Variants in TMEM170A observed in about 807,000 individuals in gnomAD.
The protein encoded by TMEM170A is transmembrane protein 170.
A neutral mutation model predicts 12.8 loss-of-function variants in TMEM170A; 18 were observed. The ratio of observed to expected loss-of-function variants is 1.41; its 90% confidence interval spans 0.97 to 2.09. TMEM170A has a LOEUF of 2.09. Among genes scored for constraint, TMEM170A ranks in the 30% most tolerant of loss-of-function variants. TMEM170A has a pLI of 0.00. For synonymous variants in TMEM170A, 107 were observed against 76.2 expected, an observed-to-expected ratio of 1.40 and a Z score of -2.11; for missense variants, 220 against 179.9, an observed-to-expected ratio of 1.22 and a Z score of -1.28.
At chr16:75,454,514 A>T (rs1181297444) in intron 1 of TMEM170A, among the ~76,000 whole-genome samples, 19 of 152,070 alleles carry the variant, frequency 1.2e-4, no homozygotes, top group Admixed American at 1.2e-3. Flanking sequence ...AGGCACCTGT[A>T]GTCCCAGCTA....
rs184429935 is a variant in TMEM170A, at chr16:75,446,858, A to G, written c.*700T>C. On this transcript the variant is annotated 3_prime_UTR_variant, in exon 3 of 3. Transcript: ENST00000561878. ...AAAATCTAAAAAGTCTAAATTAGCT[A>G]GCTTATTTTGATAAAACATACAAAA... 6.6e-6 allele frequency: 1 copy of G among 152,320 alleles called. No homozygotes were observed. The highest frequency in any genetic ancestry group is 1.9e-4 in the East Asian group (1 of 5,192). 9.4% of individuals were successfully genotyped at this position (152,320 alleles called of 1,614,324 possible). A position where few individuals can be genotyped will look rare whatever the true frequency, so the allele number is the denominator to read the frequency against.
At chr16:75,451,525 T>C in intron 2 of TMEM170A, 144 bp downstream of exon 2, 2 of 816,748 alleles carry the variant, frequency 2.4e-6, no homozygotes. Flanking sequence ...ACTCCGGCCT[T>C]GGTGACATAG....
intron 1 of TMEM170A, among the ~76,000 whole-genome samples, chr16:75,463,367 A>C (rs140809083): frequency 0.077 from 11,758 of 151,830 alleles, 897 homozygotes; most frequent in African/African-American, 0.2. Flanking sequence ...TCATTTCAGG[A>C]ATGACCACAA....
At chr16:75,454,109 C>T (rs1311414402) in intron 1 of TMEM170A, among the ~76,000 whole-genome samples, 3 of 152,192 alleles carry the variant, frequency 2.0e-5, no homozygotes, top group Admixed American at 1.3e-4. Flanking sequence ...GTTTCTTGAC[C>T]ACCGCCCTCC....
At chr16:75,451,873 C>A in intron 1 of TMEM170A, 34 bp from the exon 2 acceptor site, 1 of 1,568,302 alleles carries the variant, frequency 6.4e-7, no homozygotes, top group Non-Finnish European at 8.7e-7. Flanking sequence ...TTGTGAATCA[C>A]TGCCCTTCCC....
At position 75,447,117 on chromosome 16, in the gene TMEM170A, A is replaced by G. The variant is rs893538778; in HGVS notation, c.*441T>C. 6.6e-6 allele frequency: 1 copy of G among 152,420 alleles called. No individual in the cohort carries two copies. Among genetic ancestry groups the G allele is most frequent in the Admixed American group, 6.5e-5 (1 of 15,282 alleles). The allele number at this position is 152,420 out of a possible 1,614,324, so 9.4% of individuals were successfully genotyped here. A position where few individuals can be genotyped will look rare whatever the true frequency, so the allele number is the denominator to read the frequency against. On this transcript the variant is annotated 3_prime_UTR_variant, in exon 3 of 3. Coordinates refer to ENST00000561878, the MANE Select transcript of TMEM170A (RefSeq NM_145254.3). Reference sequence around the variant, plus strand: ...GTCACTAAGATGTAGCAAAGAAAAGAGTTTGCCAAATTTTAATCAAGATTA... The same window carrying G: ...GTCACTAAGATGTAGCAAAGAAAAGGGTTTGCCAAATTTTAATCAAGATTA...
At chr16:75,455,988 C>T (rs533139993) in intron 1 of TMEM170A, among the ~76,000 whole-genome samples, 1 of 151,944 alleles carries the variant, frequency 6.6e-6, no homozygotes, top group African/African-American at 2.4e-5. Context: ...GTGTTTTTTC[C>T]CCCAGATCAA....
intron 1 of TMEM170A, chr16:75,458,481 A>G (rs774274531): frequency 6.6e-6 from 1 of 152,270 alleles, no homozygotes; most frequent in Non-Finnish European, 1.5e-5. Context: ...GATAAGAGTC[A>G]GAGAGATTTG....
At chr16:75,451,448 C>A (rs2079679517) in intron 2 of TMEM170A, 3 of 603,948 alleles carry the variant, frequency 5.0e-6, no homozygotes, top group Non-Finnish European at 8.8e-6. Context: ...TCTTGGGAGG[C>A]TGATGGAGGA....
At chr16:75,450,526 A>G (rs2079663909) in intron 2 of TMEM170A, among the ~76,000 whole-genome samples, 1 of 152,220 alleles carries the variant, frequency 6.6e-6, no homozygotes, top group Non-Finnish European at 1.5e-5. Context: ...CATAAGCAAA[A>G]GCCATAACAA....
intron 1 of TMEM170A, among the ~76,000 whole-genome samples, chr16:75,454,754 A>G (rs2079756175): frequency 6.6e-6 from 1 of 152,218 alleles, no homozygotes; most frequent in Non-Finnish European, 1.5e-5. Context: ...ATAGGTTTTG[A>G]GCAGTAACGG....
At chr16:75,460,952 A>G (rs2079893448) in intron 1 of TMEM170A, among the ~76,000 whole-genome samples, 1 of 152,232 alleles carries the variant, frequency 6.6e-6, no homozygotes, top group Non-Finnish European at 1.5e-5. Flanking sequence ...GTCATTCTTG[A>G]TACAAGATAA....
intron 1 of TMEM170A, among the ~76,000 whole-genome samples, chr16:75,460,818 C>CT (rs2079890572): frequency 1.3e-5 from 2 of 152,176 alleles, no homozygotes; most frequent in South Asian, 4.1e-4. Context: ...GAATAAATGA[C>CT]TGGTCCAAGT....
chr16:75,445,401 C>T lies in TMEM170A; in HGVS notation c.*2157G>A, dbSNP rs902875234. The T allele has an allele frequency of 3.3e-5, 5 of 152,222 alleles. No homozygotes were observed. Among genetic ancestry groups the T allele is most frequent in the African/African-American group, 1.2e-4 (5 of 41,448 alleles). The allele number at this position is 152,222 out of a possible 1,614,324, so 9.4% of individuals were successfully genotyped here. The stretch of plus-strand genomic sequence containing the variant: ...CTCGGCTCACAGCAGCCTGAACCTC[C>T]CAGGCACAAGTGATCCTCCCACTTT... On this transcript the variant is annotated 3_prime_UTR_variant, in exon 3 of 3. Coordinates refer to ENST00000561878, the MANE Select transcript of TMEM170A (RefSeq NM_145254.3).
rs539635492 is a variant in TMEM170A at position 75,447,811 on chromosome 16, T to C, written c.305-123A>G. The stretch of plus-strand genomic sequence containing the variant: ...TCCAGATTTTATACTGAAATTTAAA[T>C]CTTACAGAAATGTTAGGTTTTCCCT... On this transcript the variant is annotated intron_variant, in intron 2 of 2. Transcript: ENST00000561878. The C allele has an allele frequency of 1.4e-5, 16 of 1,161,680 alleles. No homozygotes were observed. The East Asian group carries it at 1.6e-4, about 11-fold the overall frequency. 72.0% of individuals were successfully genotyped at this position (1,161,680 alleles called of 1,614,324 possible).
At chr16:75,464,353 G>C in intron 1 of TMEM170A, 115 bp downstream of exon 1, 1 of 1,051,134 alleles carries the variant, frequency 9.5e-7, no homozygotes, top group East Asian at 3.4e-5. Context: ...CCGGAGGACA[G>C]CGCCCACGCC....
chr16:75,464,346 G>A (rs1355974892), intron 1 of TMEM170A, 122 bp downstream of exon 1: 4 of 1,350,616 alleles, frequency 3.0e-6, no homozygotes, highest in Non-Finnish European at 3.8e-6. Context: ...CCCCCTCCCG[G>A]AGGACAGCGC....
At chr16:75,452,217 C>T (rs570584614) in intron 1 of TMEM170A, among the ~76,000 whole-genome samples, 20 of 151,962 alleles carry the variant, frequency 1.3e-4, no homozygotes, top group African/African-American at 4.6e-4. Context: ...ATGATCCGCC[C>T]GCCTCGGCCT....
chr16:75,458,098 G>A lies in TMEM170A; in HGVS notation c.134-6259C>T, dbSNP rs1007658952. On this transcript the variant is annotated intron_variant, in intron 1 of 2. Coordinates refer to ENST00000561878, the MANE Select transcript of TMEM170A (RefSeq NM_145254.3). ...ATTGTCATACAGTACTTTTCATTTC[G>A]CTGGCTCAAAACTCTCTCAAATCTT... 5.3e-5 allele frequency among the ~76,000 whole-genome samples: 8 copies of A among 152,038 alleles called. No individual in the cohort carries two copies. The South Asian group carries it at 1.5e-3, about 28-fold the overall frequency.
Sources: allele counts gnomAD v4.1 joint callset (sites outside exome capture counted in the v4.1 genomes callset), GRCh38; gene constraint gnomAD v4.1.1; transcripts MANE v1.5; gene names NCBI Gene and HGNC (gene_info 2026-07-23, HGNC 2026-07-21).